ADAMTS5: variants seen among roughly 807,000 people sequenced by gnomAD.
The protein encoded by ADAMTS5 is ADAM metallopeptidase with thrombospondin type 1 motif 5.
A neutral mutation model predicts 81.4 loss-of-function variants in ADAMTS5; 54 were observed. That is an observed-to-expected ratio of 0.66 (90% CI 0.53 to 0.83). The LOEUF (loss-of-function observed/expected upper bound fraction) is 0.83, where lower values mean the gene tolerates loss of function less well. Among genes scored for constraint, ADAMTS5 ranks in the 40% least tolerant of loss-of-function variants. The pLI, the probability that ADAMTS5 is intolerant of heterozygous loss-of-function variation, is 0.00. For missense variants in ADAMTS5, 1,194 were observed against 1,229.9 expected, an observed-to-expected ratio of 0.97 and a Z score of 0.44; for synonymous variants, 532 against 508.8, an observed-to-expected ratio of 1.05 and a Z score of -0.61.
Position 26,934,472 on chromosome 21 carries a change from ATAT to A in ADAMTS5, c.1680_1682del (p.Lys560_Tyr561delinsAsn), listed in dbSNP as rs1407509323. ...TGATGAGAAAATCACTTACTGAATA[ATAT>A]TTTTTCTTGGTTTTGTCCACACATT... On this transcript the variant is annotated inframe_deletion, in exon 4 of 8. Coordinates refer to ENST00000284987, the MANE Select transcript of ADAMTS5 (RefSeq NM_007038.5). 1 of 1,614,170 alleles carries A rather than the reference ATAT, an allele frequency of 6.2e-7. No individual in the cohort carries two copies. The highest frequency in any genetic ancestry group is 1.1e-5 in the South Asian group (1 of 91,082).
intron 5 of ADAMTS5, among the ~76,000 whole-genome samples, 155 bp downstream of exon 5, chr21:26,932,706 A>AAAAAACC: frequency 6.6e-6 from 1 of 151,370 alleles, no homozygotes; most frequent in African/African-American, 2.4e-5. Flanking sequence ...ATCTCAAAAA[A>AAAAAACC]AAACAAACAC....
intron 1 of ADAMTS5, among the ~76,000 whole-genome samples, chr21:26,959,218 T>G (rs889847483): frequency 3.3e-5 from 5 of 152,164 alleles, no homozygotes; most frequent in Non-Finnish European, 7.4e-5. Flanking sequence ...GAAGGTAGAT[T>G]GCTTTTTAAT....
Position 26,918,231 on chromosome 21 carries a change from A to T in ADAMTS5, c.*5822T>A. On this transcript the variant is annotated 3_prime_UTR_variant, in exon 8 of 8. Transcript: ENST00000284987. ...CCAAGATTTTTGGTTTTTCAACTGCATTATATACCATTGCTTCTGGAAAAT... is the reference window on the plus strand; with the variant it reads ...CCAAGATTTTTGGTTTTTCAACTGCTTTATATACCATTGCTTCTGGAAAAT... 6.6e-6 allele frequency: 1 copy of T among 152,582 alleles called. No individual in the cohort carries two copies. The highest frequency in any genetic ancestry group is 1.9e-4 in the East Asian group (1 of 5,182). 9.5% of individuals were successfully genotyped at this position (152,582 alleles called of 1,614,324 possible).
At chr21:26,952,652 G>A (rs1987343657) in intron 2 of ADAMTS5, among the ~76,000 whole-genome samples, 1 of 152,206 alleles carries the variant, frequency 6.6e-6, no homozygotes, top group Non-Finnish European at 1.5e-5. Context: ...AAGGAATGTG[G>A]AATCTTTCCT....
At chr21:26,930,180 G>GAA (rs34738885) in intron 6 of ADAMTS5, 119 bp from the exon 7 acceptor site, 5,451 of 643,260 alleles carry the variant, frequency 8.5e-3, no homozygotes, top group South Asian at 0.011. Flanking sequence ...ACAGTCCATT[G>GAA]AAAAAAAAAA....
chr21:26,948,716 A>C (rs906453976), intron 2 of ADAMTS5, among the ~76,000 whole-genome samples: 2 of 152,216 alleles, frequency 1.3e-5, no homozygotes, highest in African/African-American at 4.8e-5. Flanking sequence ...TGGAAGGAAG[A>C]AACTCTAACT....
rs537360526 is a variant in ADAMTS5, at chr21:26,937,827, A to C, written c.1406-3078T>G. ...TCAACCACTTCTTCACATCTACTTC[A>C]CATATTTTCTAATTCATCGTAGTCT... On this transcript the variant is annotated intron_variant, in intron 3 of 7. Transcript: ENST00000284987. Among the ~76,000 whole-genome samples, 11 of 152,270 alleles carry C rather than the reference A, an allele frequency of 7.2e-5. No individual in the cohort carries two copies. The East Asian group carries it at 1.9e-3, about 27-fold the overall frequency.
At chr21:26,937,714 T>G (rs913406027) in intron 3 of ADAMTS5, among the ~76,000 whole-genome samples, 2 of 152,228 alleles carry the variant, frequency 1.3e-5, no homozygotes, top group African/African-American at 4.8e-5. Context: ...AAGGGGAAAC[T>G]GATCAACCTT....
At chr21:26,936,505 A>G (rs1987017141) in intron 3 of ADAMTS5, among the ~76,000 whole-genome samples, 1 of 152,208 alleles carries the variant, frequency 6.6e-6, no homozygotes, top group Non-Finnish European at 1.5e-5. Flanking sequence ...AATATTCAGC[A>G]TATTTTAAGT....
chr21:26,935,394 G>A (rs1986995451), intron 3 of ADAMTS5, among the ~76,000 whole-genome samples: 1 of 152,098 alleles, frequency 6.6e-6, no homozygotes, highest in Non-Finnish European at 1.5e-5. Context: ...ACCTTTGAAG[G>A]CCTTCCAATA....
intron 3 of ADAMTS5, among the ~76,000 whole-genome samples, chr21:26,935,550 T>C (rs1218434754): frequency 2.0e-5 from 3 of 152,246 alleles, no homozygotes; most frequent in Non-Finnish European, 4.4e-5. Flanking sequence ...CTTTGCTTTA[T>C]GTCTATTTAA....
At position 26,943,543 on chromosome 21, in the gene ADAMTS5, A is replaced by C. The variant is rs901029586; in HGVS notation, c.1242T>G (p.His414Gln). 3 of 1,612,974 alleles carry C rather than the reference A, an allele frequency of 1.9e-6. No individual in the cohort carries two copies. Among genetic ancestry groups the C allele is most frequent in the Non-Finnish European group, 2.5e-6 (3 of 1,179,210 alleles). The change falls in exon 3 of 8, where the codon CAT becomes CAG. Residue 414 changes from histidine (H) to glutamine (Q), a missense_variant. By Grantham distance (24) the His-to-Gln change is conservative. Coordinates refer to ENST00000284987, the MANE Select transcript of ADAMTS5 (RefSeq NM_007038.5). The stretch of plus-strand genomic sequence containing the variant: ...AATCGTCATGGGAGAGGCCAAGTAA[A>C]TGTCCTAAGGGAGACAACAGAGGAA... ...AAFTVAHEIG[H>Q]LLGLSHDDSK...
rs1987208856 is a variant in ADAMTS5, at chr21:26,946,031, C to T, written c.1238-2484G>A. 2.6e-5 allele frequency among the ~76,000 whole-genome samples: 4 copies of T among 152,290 alleles called. No individual in the cohort carries two copies. In the South Asian group the frequency reaches 8.3e-4, roughly 32 times the overall value. On this transcript the variant is annotated intron_variant, in intron 2 of 7. Coordinates refer to ENST00000284987, the MANE Select transcript of ADAMTS5 (RefSeq NM_007038.5). ...CAGCTCTCTGGGAGAGGCATGCTCT[C>T]TCAAGGGCAGCGAGAGTCCTGGGCA...
chr21:26,930,120 G>A, intron 6 of ADAMTS5, 59 bp from the exon 7 acceptor site: 1 of 1,537,348 alleles, frequency 6.5e-7, no homozygotes, highest in Non-Finnish European at 8.9e-7. Context: ...TTGCTCCTTT[G>A]GTCAACTAGT....
intron 3 of ADAMTS5, among the ~76,000 whole-genome samples, chr21:26,938,952 A>G (rs753130736): frequency 5.9e-5 from 9 of 152,176 alleles, no homozygotes; most frequent in Non-Finnish European, 1.2e-4. Flanking sequence ...CCAAATATTC[A>G]TGATGCAGGA....
At chr21:26,939,640 G>C (rs1017591358) in intron 3 of ADAMTS5, 5 of 152,178 alleles carry the variant, frequency 3.3e-5, no homozygotes, top group African/African-American at 1.2e-4. Flanking sequence ...CCTGTGTTGT[G>C]AGTGTTCTTG....
At position 26,954,818 on chromosome 21, in the gene ADAMTS5, G is replaced by A; in HGVS notation, c.1158C>T (p.Thr386=). 2 of 1,614,072 alleles carry A rather than the reference G, an allele frequency of 1.2e-6. No homozygotes were observed. Among genetic ancestry groups the A allele is most frequent in the Middle Eastern group, 3.3e-4 (2 of 6,062 alleles). ...CACAGCTGCGCTCTGGAGAACATAT[G>A]GTCCCAACGTCTGCCATTCCCAGGG... The part of the protein sequence containing the change: ...CDTLGMADVG[T]ICSPERSCAV... The change falls in exon 2 of 8, where the codon ACC becomes ACT. Residue 386 remains threonine, a synonymous_variant. Coordinates refer to ENST00000284987, the MANE Select transcript of ADAMTS5 (RefSeq NM_007038.5).
intron 2 of ADAMTS5, among the ~76,000 whole-genome samples, chr21:26,946,245 A>T (rs544494096): frequency 1.3e-5 from 2 of 152,350 alleles, no homozygotes; most frequent in East Asian, 3.9e-4. Flanking sequence ...GGCTGCAAAC[A>T]GCAAAAGGAG....
Position 26,923,775 on chromosome 21 carries a change from C to T in ADAMTS5, c.*278G>A. ...AAGGGGGAGACAGTTCTGCCATCTT[C>T]AAATGTCCCCTGATTTTACATTCAT... On this transcript the variant is annotated 3_prime_UTR_variant, in exon 8 of 8. Transcript: ENST00000284987. 2.9e-6 allele frequency: 1 copy of T among 348,876 alleles called. No homozygotes were observed. Among genetic ancestry groups the T allele is most frequent in the Non-Finnish European group, 5.3e-6 (1 of 189,714 alleles). The allele number at this position is 348,876 out of a possible 1,614,324, so 21.6% of individuals were successfully genotyped here.
Sources: gnomAD v4.1 joint callset for allele counts (sites outside exome capture counted in the v4.1 genomes callset) on GRCh38, gnomAD v4.1.1 for gene constraint, MANE v1.5 for transcripts, NCBI Gene and HGNC (gene_info 2026-07-23, HGNC 2026-07-21) for gene names.